Variants in PGR observed in about 807,000 individuals in gnomAD.
PGR encodes the protein progesterone receptor.
PGR carries 25 observed loss-of-function variants against 76.1 expected under a neutral mutation model. The ratio of observed to expected loss-of-function variants is 0.33; its 90% CI spans 0.24 to 0.46. The LOEUF is 0.46. Among genes scored for constraint, PGR ranks in the 20% least tolerant of loss-of-function variants. PGR has a pLI of 1.00. For missense variants in PGR, 1,172 were observed against 1,225.3 expected, an observed-to-expected ratio of 0.96 and a Z score of 0.65; for synonymous variants, 579 against 535.0, an observed-to-expected ratio of 1.08 and a Z score of -1.14.
chr11:101,109,578 A>G (rs1862280282), intron 2 of PGR, among the ~76,000 whole-genome samples: 1 of 152,230 alleles, frequency 6.6e-6, no homozygotes, highest in African/African-American at 2.4e-5. Context: ...GAGAGGGATG[A>G]AAGCTGTAAA....
intron 3 of PGR, among the ~76,000 whole-genome samples, chr11:101,065,249 G>A (rs1018038894): frequency 1.3e-5 from 2 of 151,012 alleles, no homozygotes; most frequent in African/African-American, 4.9e-5. Flanking sequence ...GTGGACTCCT[G>A]ATAGATATTT....
Position 101,036,285 on chromosome 11 carries a change from T to A in PGR, c.*2831A>T, listed in dbSNP as rs1859513612. The stretch of plus-strand genomic sequence containing the variant: ...GGGAAAAAATAGCATAGCATTGCCT[T>A]ATTAAAAAGTGCCACATCTTTAAAC... On this transcript the variant is annotated 3_prime_UTR_variant, in exon 8 of 8. Coordinates refer to ENST00000325455, the MANE Select transcript of PGR (RefSeq NM_000926.4). 1 of 219,744 alleles carries A rather than the reference T, an allele frequency of 4.6e-6. No homozygotes were observed. The highest frequency in any genetic ancestry group is 5.8e-5 in the Admixed American group (1 of 17,304). The allele number at this position is 219,744 out of a possible 1,614,324, so 13.6% of individuals were successfully genotyped here.
At chr11:101,045,023 ATTG>A (rs1208806257) in intron 6 of PGR, among the ~76,000 whole-genome samples, 1 of 151,954 alleles carries the variant, frequency 6.6e-6, no homozygotes, top group Non-Finnish European at 1.5e-5. Flanking sequence ...TAATTCCAAT[ATTG>A]TTGTATCTCA....
Position 101,128,573 on chromosome 11 carries a change from G to T in PGR, c.498C>A (p.Ser166Arg). Residue 166 changes from serine to arginine, a missense_variant, in exon 1 of 8, where the codon AGC becomes AGA. This residue lies in a region of PGR where 893 missense variants were observed against 785.9 expected (regional missense o/e 1.14). Transcript: ENST00000325455. Reference protein sequence around the residue: ...ATQRVLSPLMSRSGCKVGDSS... With the variant: ...ATQRVLSPLMRRSGCKVGDSS... ...TGTCTCCAACCTTGCACCCGGACCG[G>T]CTCATGAGCGGGGACAACACCCGCT... 6.3e-7 allele frequency: 1 copy of T among 1,596,798 alleles called. No homozygotes were observed.
At position 101,032,495 on chromosome 11, in the gene PGR, AC is replaced by A. The variant is rs1182587337; in HGVS notation, c.*6620del. 3 of 232,108 alleles carry A rather than the reference AC, an allele frequency of 1.3e-5. No individual in the cohort carries two copies. The highest frequency in any genetic ancestry group is 2.2e-5 in the African/African-American group (1 of 45,074). The allele number at this position is 232,108 out of a possible 1,614,324, so 14.4% of individuals were successfully genotyped here. ...TTCTTCAGTCTCATCATCCATCCCC[AC>A]CCCACATTCTCTCTCCCCATCAGGT... On this transcript the variant is annotated 3_prime_UTR_variant, in exon 8 of 8. Transcript: ENST00000325455.
rs148792722 is a variant in PGR, at chr11:101,120,031, C to T, written c.1789+5976G>A. ...AACAGTGCCTGGGTTATAGTGAAGGCGACTTAAGTGACTATTAAATGAATA... is the reference window on the plus strand; with the variant it reads ...AACAGTGCCTGGGTTATAGTGAAGGTGACTTAAGTGACTATTAAATGAATA... On this transcript the variant is annotated intron_variant, in intron 2 of 7. Transcript: ENST00000325455. 1.9e-3 allele frequency among the ~76,000 whole-genome samples: 294 copies of T among 152,244 alleles called. 5 individuals carry two copies. In the South Asian group the frequency reaches 0.021, roughly 11 times the overall value.
chr11:101,052,602 G>A (rs1860135874), intron 4 of PGR, among the ~76,000 whole-genome samples: 1 of 152,072 alleles, frequency 6.6e-6, no homozygotes, highest in Admixed American at 6.6e-5. Context: ...GCCTTGCATT[G>A]TAGATGGATC....
intron 2 of PGR, among the ~76,000 whole-genome samples, chr11:101,100,267 G>C (rs553528307): frequency 1.3e-5 from 2 of 152,262 alleles, no homozygotes; most frequent in South Asian, 4.2e-4. Flanking sequence ...TTTTATAAGA[G>C]TCTAGCATTT....
intron 3 of PGR, 50 bp downstream of exon 3, chr11:101,091,710 T>C: frequency 1.0e-6 from 1 of 958,800 alleles, no homozygotes; most frequent in Non-Finnish European, 1.7e-6. Flanking sequence ...CACACAGTTT[T>C]ATAGTATAAA....
At chr11:101,122,686 T>C (rs529816789) in intron 2 of PGR, among the ~76,000 whole-genome samples, 1 of 152,276 alleles carries the variant, frequency 6.6e-6, no homozygotes, top group African/African-American at 2.4e-5. Flanking sequence ...CCAACTCCTT[T>C]CTCCCATTTC....
chr11:101,115,346 T>C (rs187772288), intron 2 of PGR, among the ~76,000 whole-genome samples: 2 of 152,264 alleles, frequency 1.3e-5, no homozygotes, highest in Admixed American at 1.3e-4. Flanking sequence ...GATTTATATA[T>C]TACCTATATT....
chr11:101,064,790 C>T (rs1244378084), intron 3 of PGR, among the ~76,000 whole-genome samples: 1 of 152,186 alleles, frequency 6.6e-6, no homozygotes, highest in African/African-American at 2.4e-5. Flanking sequence ...GTTTGCACTA[C>T]ATAATATTGT....
At chr11:101,113,014 T>A (rs1036084987) in intron 2 of PGR, among the ~76,000 whole-genome samples, 2 of 152,220 alleles carry the variant, frequency 1.3e-5, no homozygotes, top group African/African-American at 4.8e-5. Context: ...CTAACTGAAT[T>A]TTTTTGGAAG....
At chr11:101,039,451 T>C (rs1198289546) in intron 7 of PGR, among the ~76,000 whole-genome samples, 180 bp from the exon 8 acceptor site, 2 of 152,002 alleles carry the variant, frequency 1.3e-5, no homozygotes, top group Admixed American at 1.3e-4. Flanking sequence ...AAATGTTATA[T>C]ACTCATGATA....
chr11:101,077,433 T>C (rs561776501), intron 3 of PGR, among the ~76,000 whole-genome samples: 1 of 152,246 alleles, frequency 6.6e-6, no homozygotes, highest in South Asian at 2.1e-4. Flanking sequence ...CAACAGGAAA[T>C]ATAAAGTGAA....
intron 2 of PGR, among the ~76,000 whole-genome samples, chr11:101,119,949 C>A (rs1000417993): frequency 6.6e-6 from 1 of 152,186 alleles, no homozygotes; most frequent in Non-Finnish European, 1.5e-5. Context: ...CTAACAGAAC[C>A]TCCACCTCAA....
rs1205067322 is a variant in PGR at position 101,054,343 on chromosome 11, G to C, written c.2213-2775C>G. 2.6e-5 allele frequency among the ~76,000 whole-genome samples: 4 copies of C among 151,968 alleles called. No individual in the cohort carries two copies. In the East Asian group the frequency reaches 7.7e-4, roughly 29 times the overall value. ...TAACTAAGCAGCCAAAAAAATTTTT[G>C]GTATGCAAGTTTTATCATTTTTTAA... On this transcript the variant is annotated intron_variant, in intron 4 of 7. Coordinates refer to ENST00000325455, the MANE Select transcript of PGR (RefSeq NM_000926.4).
At chr11:101,041,735 A>G in intron 7 of PGR, 1 of 556,372 alleles carries the variant, frequency 1.8e-6, no homozygotes. Flanking sequence ...CTCACATTAT[A>G]CAAATACTTG....
At chr11:101,080,494 A>C (rs1282751662) in intron 3 of PGR, among the ~76,000 whole-genome samples, 1 of 151,792 alleles carries the variant, frequency 6.6e-6, no homozygotes, top group Non-Finnish European at 1.5e-5. Flanking sequence ...ACTACTACCC[A>C]CATGAAAATA....
Sources: allele counts gnomAD v4.1 joint callset (sites outside exome capture counted in the v4.1 genomes callset), GRCh38; gene constraint gnomAD v4.1.1; regional missense constraint gnomAD v4.1.1; transcripts MANE v1.5; gene names NCBI Gene and HGNC (gene_info 2026-07-23, HGNC 2026-07-21).